The following CDAN1 variants were observed in gnomAD, a reference collection of about 807,000 sequenced individuals.
CDAN1 encodes codanin 1, also known as codanin-1.
A neutral mutation model predicts 139.8 loss-of-function variants in CDAN1; 107 were observed. That is an observed-to-expected ratio of 0.77 (90% CI 0.65 to 0.90). The LOEUF is 0.90. Ranked by LOEUF, CDAN1 falls within the 40% of genes least tolerant of loss-of-function variation. The pLI, the probability that CDAN1 is intolerant of heterozygous loss-of-function variation, is 0.00. For synonymous variants in CDAN1, 776 were observed against 660.6 expected (o/e 1.17, Z -2.68); for missense variants, 1,667 against 1,575.7 (o/e 1.06, Z -0.98).
chr15:42,725,807 AC>A, intron 25 of CDAN1, 137 bp from the exon 26 acceptor site: 1 of 885,252 alleles, frequency 1.1e-6, no homozygotes, highest in Non-Finnish European at 1.7e-6. Flanking sequence ...ACATAGTGAA[AC>A]CCCATCTCTA....
chr15:42,733,030 C>T (rs1231581250), intron 9 of CDAN1, 67 bp downstream of exon 9: 1 of 1,379,824 alleles, frequency 7.2e-7, no homozygotes, highest in Non-Finnish European at 1.0e-6. Flanking sequence ...CCTCCTCCCT[C>T]CTGCCACCGA....
At chr15:42,733,576 G>A (rs1309373055) in intron 8 of CDAN1, among the ~76,000 whole-genome samples, 2 of 152,138 alleles carry the variant, frequency 1.3e-5, no homozygotes, top group Non-Finnish European at 2.9e-5. Flanking sequence ...CACCCGGCCA[G>A]CAGCCCCATT....
Position 42,728,810 on chromosome 15 carries a change from C to T in CDAN1, c.2646G>A (p.Lys882=). ...GCACCAGATCTGCCACCAGTGTAGC[C>T]CTGCAGCAGGGACAGCAAGGTTGGG... ...RIGSNCVKHI[K]ATLVADLVRQ... is the part of the protein sequence containing the mutation. The change falls in exon 20 of 28, where the codon AAG becomes AAA. Residue 882 remains lysine (K), a splice_region_variant and synonymous_variant. Transcript: ENST00000356231. 2 of 1,614,166 alleles carry T rather than the reference C, an allele frequency of 1.2e-6. No homozygotes were observed. The highest frequency in any genetic ancestry group is 1.7e-6 in the Non-Finnish European group (2 of 1,180,022).
At position 42,729,548 on chromosome 15, in the gene CDAN1, C is replaced by T; in HGVS notation, c.2407+20G>A. On this transcript the variant is annotated intron_variant, in intron 17 of 27. Coordinates refer to ENST00000356231, the MANE Select transcript of CDAN1 (RefSeq NM_138477.4). ...ATGGAGGGACAGACCAAGGACCGTC[C>T]AGGGAAGACCGGTGCTCACCGATGT... 1 of 1,614,148 alleles carries T rather than the reference C, an allele frequency of 6.2e-7. No homozygotes were observed. The highest frequency in any genetic ancestry group is 2.2e-5 in the East Asian group (1 of 44,890).
At position 42,736,605 on chromosome 15, in the gene CDAN1, GGGCCTCCC is replaced by G; in HGVS notation, c.258_265del (p.Gly87AlafsTer4). 6.7e-7 allele frequency: 1 copy of G among 1,503,576 alleles called. No individual in the cohort carries two copies. Among genetic ancestry groups the G allele is most frequent in the Non-Finnish European group, 8.9e-7 (1 of 1,127,998 alleles). The allele number at this position is 1,503,576 out of a possible 1,614,324, so 93.1% of individuals were successfully genotyped here. A position where few individuals can be genotyped will look rare whatever the true frequency, so the allele number is the denominator to read the frequency against. On this transcript the variant is annotated frameshift_variant, in exon 2 of 28. Coordinates refer to ENST00000356231, the MANE Select transcript of CDAN1 (RefSeq NM_138477.4). LOFTEE classifies it high-confidence loss of function. Reference sequence around the variant, plus strand: ...GCGCGCCCCGCGGCTACCCCGCGGCGGGCCTCCCGGCCTCCCTGGCAAGGCTGCCGAGG... The same window carrying G: ...GCGCGCCCCGCGGCTACCCCGCGGCGGGCCTCCCTGGCAAGGCTGCCGAGG...
chr15:42,734,442 G>T, intron 6 of CDAN1, 96 bp from the exon 7 acceptor site: 1 of 1,478,292 alleles, frequency 6.8e-7, no homozygotes, highest in Non-Finnish European at 9.4e-7. Context: ...AAGGCATGGC[G>T]CAGGTATGCA....
Position 42,724,610 on chromosome 15 carries a change from C to G in CDAN1, c.3565G>C (p.Ala1189Pro). 6.4e-7 allele frequency: 1 copy of G among 1,552,204 alleles called. No homozygotes were observed. Among genetic ancestry groups the G allele is most frequent in the Non-Finnish European group, 8.7e-7 (1 of 1,147,030 alleles). ...TTAGACAGTGTTGCTAATTCTTCAG[C>G]AAAGTCCTGGAATACATAGAAAGAT... ...LHQAQWPGDF[A>P]EELATLSNLF... Residue 1189 changes from alanine (A) to proline (P), a missense_variant, in exon 28 of 28, where the codon GCT (alanine) becomes CCT (proline). Ala to Pro is a conservative substitution (Grantham distance 27). Transcript: ENST00000356231.
intron 26 of CDAN1, 41 bp downstream of exon 26, chr15:42,725,444 GTTCA>G (rs1301092513): frequency 1.9e-6 from 3 of 1,610,056 alleles, no homozygotes; most frequent in Non-Finnish European, 1.7e-6. Flanking sequence ...GGTGGTGGAT[GTTCA>G]GAGTGTGACT....
Position 42,727,641 on chromosome 15 carries a change from G to A in CDAN1, c.3076C>T (p.His1026Tyr). ...ACEHHAPLPS[H>Y]LISEIKDVLS... ...TGTACTTTTATCTCGGAGATGAGGT[G>A]GGAGGGGAGGGGAGCATGGTGCTCA... The change falls in exon 23 of 28, where the codon CAC becomes TAC. Residue 1026 changes from histidine (H) to tyrosine (Y), a missense_variant. By Grantham distance (83) the His-to-Tyr change is moderately conservative (BLOSUM62 2). Coordinates refer to ENST00000356231, the MANE Select transcript of CDAN1 (RefSeq NM_138477.4). The A allele has an allele frequency of 6.3e-7, 1 of 1,580,476 alleles. No individual in the cohort carries two copies. The highest frequency in any genetic ancestry group is 8.6e-7 in the Non-Finnish European group (1 of 1,160,378).
intron 24 of CDAN1, 28 bp from the exon 25 acceptor site, chr15:42,726,188 G>A (rs1470646346): frequency 6.2e-7 from 1 of 1,612,914 alleles, no homozygotes; most frequent in Non-Finnish European, 8.5e-7. Flanking sequence ...GGGAAAGAGA[G>A]ACCATAGGTA....
chr15:42,726,713 T>C, intron 23 of CDAN1: 1 of 482,448 alleles, frequency 2.1e-6, no homozygotes, highest in East Asian at 3.7e-5. Flanking sequence ...CCAACTCCCA[T>C]AGGGCATCTT....
intron 14 of CDAN1, 39 bp downstream of exon 14, chr15:42,730,559 C>G: frequency 6.2e-7 from 1 of 1,611,648 alleles, no homozygotes; most frequent in Non-Finnish European, 8.5e-7. Flanking sequence ...GTCCCGAGTC[C>G]CGAATCCTTT....
chr15:42,730,293 G>T, intron 14 of CDAN1, 78 bp from the exon 15 acceptor site: 1 of 1,373,776 alleles, frequency 7.3e-7, no homozygotes, highest in Non-Finnish European at 1.0e-6. Context: ...AGTGGAAACT[G>T]GCTTGCAAAA....
chr15:42,733,359 C>T (rs1407610598), intron 8 of CDAN1, among the ~76,000 whole-genome samples, 173 bp from the exon 9 acceptor site: 1 of 152,038 alleles, frequency 6.6e-6, no homozygotes, highest in African/African-American at 2.4e-5. Context: ...ACTGCAACCT[C>T]CGCCCCGCCT....
rs939755578 is a variant in CDAN1 at position 42,728,708 on chromosome 15, C to G, written c.2748G>C (p.Glu916Asp). The G allele has an allele frequency of 3.1e-6, 5 of 1,614,116 alleles. No individual in the cohort carries two copies. Among genetic ancestry groups the G allele is most frequent in the Non-Finnish European group, 1.7e-6 (2 of 1,180,054 alleles). Residue 916 changes from glutamate (E) to aspartate (D), a missense_variant, in exon 20 of 28, where the codon GAG (glutamate) becomes GAC (aspartate). By Grantham distance (45) the Glu-to-Asp change is conservative. Transcript: ENST00000356231. ...EEGGDPAQLL[E>D]ILCSQLCPHG... Reference sequence around the variant, plus strand: ...GAGGGCACAGCTGGGAACACAAGATCTCCAACAGCTGGGCTGGGTCTCCCC... The same window carrying G: ...GAGGGCACAGCTGGGAACACAAGATGTCCAACAGCTGGGCTGGGTCTCCCC...
At chr15:42,729,154 G>A (rs372059889) in intron 18 of CDAN1, 28 bp from the exon 19 acceptor site, 1 of 1,613,614 alleles carries the variant, frequency 6.2e-7, no homozygotes, top group South Asian at 1.1e-5. Flanking sequence ...AGGCAGCAAG[G>A]CTTCCTCCAG....
rs2061699971 is a variant in CDAN1, at chr15:42,736,998, T to C, written c.90+15A>G. The C allele has an allele frequency of 6.5e-7, 1 of 1,540,844 alleles. No individual in the cohort carries two copies. Among genetic ancestry groups the C allele is most frequent in the Non-Finnish European group, 8.8e-7 (1 of 1,141,212 alleles). On this transcript the variant is annotated intron_variant, in intron 1 of 27. Transcript: ENST00000356231. ...CGGCTTCGAGTCAGACCTGGGGGCG[T>C]GTCACCGCTGTTACCTCCGAACCCT...
chr15:42,728,535 G>A, intron 20 of CDAN1, 117 bp downstream of exon 20: 1 of 1,426,474 alleles, frequency 7.0e-7, no homozygotes, highest in Admixed American at 1.7e-5. Flanking sequence ...TGGGCGCAGG[G>A]AGAAGAAAAA....
chr15:42,737,005 G>A lies in CDAN1; in HGVS notation c.90+8C>T. ...GAGTCAGACCTGGGGGCGTGTCACCGCTGTTACCTCCGAACCCTGGGTGCT... is the reference window on the plus strand; with the variant it reads ...GAGTCAGACCTGGGGGCGTGTCACCACTGTTACCTCCGAACCCTGGGTGCT... On this transcript the variant is annotated splice_region_variant and intron_variant, in intron 1 of 27. Transcript: ENST00000356231. The A allele has an allele frequency of 6.5e-7, 1 of 1,543,434 alleles. No individual in the cohort carries two copies. Among genetic ancestry groups the A allele is most frequent in the Non-Finnish European group, 8.8e-7 (1 of 1,142,720 alleles).
Sources: allele counts gnomAD v4.1 joint callset (sites outside exome capture counted in the v4.1 genomes callset), GRCh38; gene constraint gnomAD v4.1.1; transcripts MANE v1.5; gene names NCBI Gene and HGNC (gene_info 2026-07-23, HGNC 2026-07-21).